The following LINGO1 variants were observed in gnomAD, a reference collection of about 807,000 sequenced individuals.
LINGO1 encodes leucine rich repeat and Ig domain containing 1.
LINGO1 carries 11 observed loss-of-function variants against 37.3 expected under a neutral mutation model. That is an observed-to-expected ratio of 0.29 (90% CI 0.19 to 0.49). The LOEUF is 0.49. LINGO1 is among the 20% of genes least tolerant of loss of function. The pLI, the probability that LINGO1 is intolerant of heterozygous loss-of-function variation, is 0.99. For synonymous variants in LINGO1, 387 were observed against 403.0 expected (o/e 0.96, Z 0.48); for missense variants, 585 against 878.2 (o/e 0.67, Z 4.22).
intron 1 of LINGO1, among the ~76,000 whole-genome samples, chr15:77,785,888 T>C (rs1426450895): frequency 1.3e-5 from 2 of 152,166 alleles, no homozygotes; most frequent in South Asian, 2.1e-4. Context: ...GCAAGGACCA[T>C]GTCACCTACT....
At chr15:77,778,083 G>C (rs2141419530) in intron 1 of LINGO1, among the ~76,000 whole-genome samples, 1 of 152,342 alleles carries the variant, frequency 6.6e-6, no homozygotes, top group East Asian at 1.9e-4. Flanking sequence ...AAACCAAAGT[G>C]TTGGGGGGAC....
At chr15:77,710,072 G>A (rs2141290829) in intron 2 of LINGO1, among the ~76,000 whole-genome samples, 1 of 152,354 alleles carries the variant, frequency 6.6e-6, no homozygotes, top group South Asian at 2.1e-4. Context: ...GGAGAAGAGA[G>A]GGTGGCCGAG....
intron 2 of LINGO1, among the ~76,000 whole-genome samples, chr15:77,707,207 G>A (rs2141285982): frequency 6.6e-6 from 1 of 152,330 alleles, no homozygotes; most frequent in East Asian, 1.9e-4. Context: ...AAGAAAGAGG[G>A]AGAAATGGTG....
chr15:77,676,082 C>T (rs1057385250), intron 3 of LINGO1, among the ~76,000 whole-genome samples: 9 of 152,264 alleles, frequency 5.9e-5, no homozygotes, highest in Admixed American at 1.3e-4. Flanking sequence ...AGGAACCTTA[C>T]AGCACTCCCA....
intron 1 of LINGO1, among the ~76,000 whole-genome samples, chr15:77,817,660 C>G (rs2077059084): frequency 6.6e-6 from 1 of 152,166 alleles, no homozygotes. Context: ...CAGCCGCCAG[C>G]CCAGTAAACG....
At chr15:77,630,560 G>A (rs2074225205) in intron 1 of LINGO1, among the ~76,000 whole-genome samples, 1 of 152,124 alleles carries the variant, frequency 6.6e-6, no homozygotes, top group African/African-American at 2.4e-5. Context: ...GAGGACTATC[G>A]CAAGGGGTAA....
chr15:77,647,694 C>T, intron 3 of LINGO1: 1 of 364,462 alleles, frequency 2.7e-6, no homozygotes, highest in Admixed American at 3.4e-5. Context: ...CCGGGAAAGG[C>T]CCTGGCAAAA....
chr15:77,696,101 C>T (rs751971275), intron 1 of LINGO1: 3 of 152,096 alleles, frequency 2.0e-5, no homozygotes, highest in East Asian at 1.9e-4. Context: ...AATGATCTGT[C>T]GGCTTCTATT....
At chr15:77,782,753 A>C (rs2076733046) in intron 1 of LINGO1, among the ~76,000 whole-genome samples, 3 of 138,908 alleles carry the variant, frequency 2.2e-5, no homozygotes, top group Admixed American at 7.2e-5. Flanking sequence ...CCACGACTCC[A>C]CCTCTCTCCT....
exon 1 of LINGO1, chr15:77,820,285 C>T (rs1227658069): frequency 2.0e-5 from 3 of 152,240 alleles, no homozygotes; most frequent in Non-Finnish European, 4.4e-5. Flanking sequence ...ACCCGGGGGC[C>T]CCGGGGAAGG....
upstream of LINGO1, among the ~76,000 whole-genome samples, chr15:77,699,146 C>T (rs1783495587): frequency 6.6e-6 from 1 of 152,068 alleles, no homozygotes; most frequent in Admixed American, 6.5e-5. Context: ...GCCCTATCTA[C>T]CCCCAACATT....
intron 3 of LINGO1, among the ~76,000 whole-genome samples, chr15:77,674,315 C>T (rs1387507250): frequency 6.6e-6 from 1 of 152,244 alleles, no homozygotes; most frequent in Non-Finnish European, 1.5e-5. Flanking sequence ...CCCTGGATCA[C>T]TGCAACAAAC....
rs1343824409 is a variant in LINGO1 at position 77,632,883 on chromosome 15, C to T, written c.-568G>A. 2.7e-5 allele frequency among the ~76,000 whole-genome samples: 4 copies of T among 150,354 alleles called. No individual in the cohort carries two copies. Among genetic ancestry groups the T allele is most frequent in the African/African-American group, 9.7e-5 (4 of 41,108 alleles). ...CGCGCCGGCTCCCGCTCGGGCTCCG[C>T]GCTCTGCAGCGGCGCGGGGAGGGAG... On this transcript the variant is annotated 5_prime_UTR_variant, in exon 1 of 2. Coordinates refer to ENST00000355300, the MANE Select transcript of LINGO1 (RefSeq NM_032808.7). This position sits in a 1 kb window ranked among gnomAD's most constrained non-coding sequence, Gnocchi z 6.0.
chr15:77,659,718 G>A (rs2074946021), intron 3 of LINGO1, among the ~76,000 whole-genome samples: 1 of 152,200 alleles, frequency 6.6e-6, no homozygotes, highest in South Asian at 2.1e-4. Context: ...CATTACCATG[G>A]GGGGCTGGAT....
intron 2 of LINGO1, among the ~76,000 whole-genome samples, chr15:77,706,968 A>C (rs556712965): frequency 1.3e-5 from 2 of 152,360 alleles, no homozygotes. Context: ...CTCCGTGGGC[A>C]ATGCCCATGG....
At chr15:77,768,664 C>T (rs374036943) in intron 1 of LINGO1, among the ~76,000 whole-genome samples, 1 of 151,978 alleles carries the variant, frequency 6.6e-6, no homozygotes, top group African/African-American at 2.4e-5. Flanking sequence ...TATGAGTGTC[C>T]CTACCCCCAC....
intron 1 of LINGO1, among the ~76,000 whole-genome samples, chr15:77,694,902 T>C (rs2075663775): frequency 6.6e-6 from 1 of 152,042 alleles, no homozygotes; most frequent in Non-Finnish European, 1.5e-5. Context: ...GGTAGGAGTG[T>C]CAGGAGGTGG....
chr15:77,614,489 C>T lies in LINGO1; in HGVS notation c.1418G>A (p.Arg473Gln), dbSNP rs1271307474. Residue 473 changes from arginine (R) to glutamine (Q), a missense_variant, in exon 2 of 2, where the codon CGG becomes CAG. Physicochemically the swap from Arg to Gln is conservative, Grantham distance 43. Transcript: ENST00000355300. ...CGTGCCATCAGGGAAGACTGTGAGC[C>T]GCCCATTGCTCTTGGCTGAGACCAG... is the stretch of plus-strand genomic sequence containing the variant. ...KHLVSAKSNG[R>Q]LTVFPDGTLE... 2 of 1,610,404 alleles carry T rather than the reference C, an allele frequency of 1.2e-6. No homozygotes were observed. Among genetic ancestry groups the T allele is most frequent in the African/African-American group, 1.3e-5 (1 of 75,058 alleles).
chr15:77,739,905 G>A (rs1056751092), intron 1 of LINGO1, among the ~76,000 whole-genome samples: 4 of 152,252 alleles, frequency 2.6e-5, no homozygotes, highest in African/African-American at 9.6e-5. Context: ...AGCCCCTCCA[G>A]CCAGTTGCTC....
Sources: allele counts gnomAD v4.1 joint callset (sites outside exome capture counted in the v4.1 genomes callset), GRCh38; gene constraint gnomAD v4.1.1; non-coding constraint Gnocchi (gnomAD v3.1); transcripts MANE v1.5; gene names NCBI Gene and HGNC (gene_info 2026-07-23, HGNC 2026-07-21).